The following KSR2 variants were observed in gnomAD, a reference collection of about 807,000 sequenced individuals.
The protein encoded by KSR2 is kinase suppressor of ras 2.
Under a neutral mutation model 107.8 loss-of-function variants are expected in KSR2, and 25 were observed. The observed-to-expected ratio is 0.23, with a 90% CI of 0.17 to 0.32. KSR2 has a LOEUF of 0.32. Ranked by LOEUF, KSR2 falls within the 10% of genes least tolerant of loss-of-function variation. The probability of loss-of-function intolerance (pLI) is 1.00; values close to 1 mark genes in which losing one functional copy is unlikely to be tolerated. For missense variants in KSR2, 887 were observed against 1,268.9 expected (o/e 0.70, Z 4.57); for synonymous variants, 480 against 507.0 (o/e 0.95, Z 0.71).
intron 4 of KSR2, among the ~76,000 whole-genome samples, chr12:117,727,877 TATAAA>T (rs1238556317): frequency 7.9e-5 from 12 of 152,194 alleles, no homozygotes; most frequent in African/African-American, 2.9e-4. Context: ...AATATGTAGC[TATAAA>T]ATAATACAAA....
chr12:117,917,346 G>C (rs887672410), intron 1 of KSR2, among the ~76,000 whole-genome samples: 3 of 152,160 alleles, frequency 2.0e-5, no homozygotes, highest in African/African-American at 7.2e-5. Context: ...TTCGAGACCA[G>C]CCTGGGCAAC....
intron 14 of KSR2, among the ~76,000 whole-genome samples, chr12:117,497,841 A>AT (rs1198017543): frequency 6.6e-6 from 1 of 152,088 alleles, no homozygotes; most frequent in East Asian, 1.9e-4. Flanking sequence ...CCTAGCTGTT[A>AT]TTTTTTGAGA....
At chr12:117,676,935 C>A (rs1885145330) in intron 4 of KSR2, among the ~76,000 whole-genome samples, 1 of 152,150 alleles carries the variant, frequency 6.6e-6, no homozygotes, top group South Asian at 2.1e-4. Context: ...ATAAATAAGT[C>A]ATAGTGTACA....
At chr12:117,509,053 T>C (rs1093294) in intron 14 of KSR2, among the ~76,000 whole-genome samples, 103,357 of 151,768 alleles carry the variant, frequency 0.68, 36,095 homozygotes, top group East Asian at 0.96. Context: ...GATGGTTGAA[T>C]TGATAGGAGG....
At chr12:117,662,606 C>A (rs759539397) in intron 5 of KSR2, among the ~76,000 whole-genome samples, 1 of 152,202 alleles carries the variant, frequency 6.6e-6, no homozygotes, top group Non-Finnish European at 1.5e-5. Flanking sequence ...CAAGACACCT[C>A]ATGAAGGACA....
chr12:117,520,342 G>A (rs1370175904), intron 14 of KSR2, among the ~76,000 whole-genome samples: 1 of 152,234 alleles, frequency 6.6e-6, no homozygotes, highest in East Asian at 1.9e-4. Context: ...CTGCTTTTTT[G>A]GTTTATTTTT....
chr12:117,951,640 T>C (rs1196165615), intron 1 of KSR2, among the ~76,000 whole-genome samples: 3 of 152,190 alleles, frequency 2.0e-5, no homozygotes, highest in Non-Finnish European at 4.4e-5. Flanking sequence ...AGCAGGGGGA[T>C]GCTGGCTGCA....
At chr12:117,878,768 TGCA>T (rs1390447853) in intron 1 of KSR2, among the ~76,000 whole-genome samples, 1 of 152,228 alleles carries the variant, frequency 6.6e-6, no homozygotes, top group Admixed American at 6.5e-5. Flanking sequence ...CAGGTCTCAC[TGCA>T]GCAATTGCTA....
At chr12:117,875,728 C>G (rs1185551609) in intron 1 of KSR2, among the ~76,000 whole-genome samples, 2 of 152,266 alleles carry the variant, frequency 1.3e-5, no homozygotes, top group Non-Finnish European at 2.9e-5. Context: ...CAGCCCTTTC[C>G]GTTCCTTCAG....
At chr12:117,493,816 C>T (rs1470285266) in intron 14 of KSR2, among the ~76,000 whole-genome samples, 1 of 152,118 alleles carries the variant, frequency 6.6e-6, no homozygotes, top group Non-Finnish European at 1.5e-5. Flanking sequence ...CTTTCCTGTG[C>T]TATTCTCGTG....
chr12:117,729,515 G>C (rs11068657), intron 4 of KSR2, among the ~76,000 whole-genome samples: 8,769 of 152,152 alleles, frequency 0.058, 283 homozygotes, highest in African/African-American at 0.074. Flanking sequence ...GGAAATGATG[G>C]GGCTGGTATC....
At chr12:117,676,723 G>T (rs541592788) in intron 4 of KSR2, among the ~76,000 whole-genome samples, 51 of 152,254 alleles carry the variant, frequency 3.3e-4, no homozygotes, top group African/African-American at 1.2e-3. Context: ...TGGTACAACC[G>T]TTTTTGAAAA....
chr12:117,683,626 G>A (rs1227685573), intron 4 of KSR2, among the ~76,000 whole-genome samples: 1 of 152,198 alleles, frequency 6.6e-6, no homozygotes, highest in Non-Finnish European at 1.5e-5. Context: ...TTCGCTCAGT[G>A]ACAAATCATC....
chr12:117,835,931 A>C (rs1892192953), intron 3 of KSR2, among the ~76,000 whole-genome samples: 1 of 152,032 alleles, frequency 6.6e-6, no homozygotes, highest in African/African-American at 2.4e-5. Context: ...ACTGTTGTTA[A>C]GCAAGGCCGC....
At position 117,667,541 on chromosome 12, in the gene KSR2, GA is replaced by G; in HGVS notation, c.1103del (p.Phe368SerfsTer76). 1 of 1,613,092 alleles carries G rather than the reference GA, an allele frequency of 6.2e-7. No individual in the cohort carries two copies. The highest frequency in any genetic ancestry group is 8.5e-7 in the Non-Finnish European group (1 of 1,179,634). On this transcript the variant is annotated frameshift_variant, in exon 5 of 20. Coordinates refer to ENST00000339824, the MANE Select transcript of KSR2 (RefSeq NM_173598.6). LOFTEE classifies it high-confidence loss of function. ...PLLSERSLRSFFVGHAPFLPS... is the reference protein window; with the variant it reads ...PLLSERSLRSXFVGHAPFLPS... Reference sequence around the variant, plus strand: ...GCAGGAAAGGTGCGTGTCCCACAAAGAAGGAGCGGAGGGAGCGCTCGGACAG... The same window carrying G: ...GCAGGAAAGGTGCGTGTCCCACAAAGAGGAGCGGAGGGAGCGCTCGGACAG...
intron 14 of KSR2, among the ~76,000 whole-genome samples, chr12:117,510,864 T>G (rs1201175635): frequency 1.6e-5 from 2 of 125,898 alleles, no homozygotes; most frequent in Admixed American, 8.9e-5. Context: ...GGCAACAGAC[T>G]GAGACCCTGT....
intron 10 of KSR2, among the ~76,000 whole-genome samples, chr12:117,535,016 C>T (rs1248120228): frequency 6.6e-6 from 1 of 152,152 alleles, no homozygotes; most frequent in Non-Finnish European, 1.5e-5. Context: ...GATAATAAAC[C>T]TGTGTGCTTT....
intron 9 of KSR2, among the ~76,000 whole-genome samples, chr12:117,551,943 C>G (rs1182401231): frequency 1.3e-5 from 2 of 152,156 alleles, no homozygotes; most frequent in Non-Finnish European, 2.9e-5. Flanking sequence ...GCTCACTGTG[C>G]CTGTAAAGCC....
rs1315413399 is a variant in KSR2 at position 117,548,094 on chromosome 12, TA to T, written c.1518+7074del. 1.3e-3 allele frequency among the ~76,000 whole-genome samples: 188 copies of T among 144,590 alleles called. 1 individual carries two copies. Among genetic ancestry groups the T allele is most frequent in the East Asian group, 2.0e-3 (10 of 4,996 alleles). The allele number at this position is 144,590 out of a possible 152,430, so 94.9% of individuals were successfully genotyped here. On this transcript the variant is annotated intron_variant, in intron 9 of 19. Transcript: ENST00000339824. The stretch of plus-strand genomic sequence containing the variant: ...CCTGGGTGACAGTGAGACTCCATCT[TA>T]AAAAAAAAAAAGTCTTAGGGAACTC...
Sources: allele counts gnomAD v4.1 joint callset (sites outside exome capture counted in the v4.1 genomes callset), GRCh38; gene constraint gnomAD v4.1.1; transcripts MANE v1.5; gene names NCBI Gene and HGNC (gene_info 2026-07-23, HGNC 2026-07-21).